Variants in SAMD12 observed in about 807,000 individuals in gnomAD.
The protein encoded by SAMD12 is sterile alpha motif domain-containing protein 12.
A neutral mutation model predicts 15.0 loss-of-function variants in SAMD12; 9 were observed. That is an observed-to-expected ratio of 0.60 (90% CI 0.36 to 1.05). SAMD12 has a LOEUF of 1.05. SAMD12 is among the 50% of genes least tolerant of loss of function. The probability of loss-of-function intolerance (pLI) is 0.01; values close to 1 mark genes in which losing one functional copy is unlikely to be tolerated. For missense variants in SAMD12, 230 were observed against 234.2 expected, an observed-to-expected ratio of 0.98 and a Z score of 0.12; for synonymous variants, 86 against 90.1, an observed-to-expected ratio of 0.96 and a Z score of 0.25.
chr8:118,483,539 ATTTAGTAGTAAGTAG>A (rs1824189107), intron 2 of SAMD12, among the ~76,000 whole-genome samples: 2 of 151,934 alleles, frequency 1.3e-5, no homozygotes, highest in African/African-American at 4.9e-5. Context: ...ACGACATTTT[ATTTAGTAGTAAGTAG>A]TCAACTTTGA....
intron 2 of SAMD12, among the ~76,000 whole-genome samples, chr8:118,487,568 C>A (rs559283376): frequency 1.3e-5 from 2 of 152,278 alleles, no homozygotes; most frequent in South Asian, 4.2e-4. Context: ...TCTGAAAGGA[C>A]TGAAAGGAAG....
intron 4 of SAMD12, among the ~76,000 whole-genome samples, chr8:118,301,665 T>C (rs1156248424): frequency 2.6e-5 from 4 of 152,228 alleles, no homozygotes; most frequent in African/African-American, 9.6e-5. Context: ...ATGACATCTG[T>C]CGTGATGGAT....
intron 4 of SAMD12, among the ~76,000 whole-genome samples, chr8:118,245,605 T>C (rs1341971678): frequency 6.6e-6 from 1 of 152,140 alleles, no homozygotes. Context: ...CCCAGACCTG[T>C]TTCCAAAGTC....
chr8:118,371,839 C>G (rs574427084), intron 4 of SAMD12, among the ~76,000 whole-genome samples: 1 of 152,038 alleles, frequency 6.6e-6, no homozygotes, highest in Non-Finnish European at 1.5e-5. Flanking sequence ...ACTAAGAGGA[C>G]CTACCCCCAG....
At chr8:118,154,144 GCACACA>G in the SAMD12 span, among the ~76,000 whole-genome samples, 3 of 149,714 alleles carry the variant, frequency 2.0e-5, no homozygotes, top group African/African-American at 7.4e-5. Flanking sequence ...ACACACAAGT[GCACACA>G]CACACACACA....
intron 2 of SAMD12, among the ~76,000 whole-genome samples, chr8:118,501,928 A>C (rs1824793375): frequency 6.6e-6 from 1 of 151,644 alleles, no homozygotes; most frequent in Non-Finnish European, 1.5e-5. Flanking sequence ...GAGGCAGGAG[A>C]ATGGCACGAA....
At chr8:118,374,692 T>A (rs1442510433), downstream of SAMD12, among the ~76,000 whole-genome samples, 2 of 152,052 alleles carry the variant, frequency 1.3e-5, no homozygotes. Context: ...TGTGAGATGA[T>A]GTGTGGTTCT....
intron 3 of SAMD12, among the ~76,000 whole-genome samples, chr8:118,384,892 C>T (rs574746175): frequency 6.6e-6 from 1 of 152,104 alleles, no homozygotes; most frequent in Non-Finnish European, 1.5e-5. Flanking sequence ...CCTCTTACAA[C>T]CCAGTTCTGT....
chr8:118,339,221 T>A (rs1817226626), intron 4 of SAMD12, among the ~76,000 whole-genome samples: 2 of 152,000 alleles, frequency 1.3e-5, no homozygotes, highest in Admixed American at 1.3e-4. Context: ...CCCAGCTACT[T>A]GGGAGTCTGA....
chr8:118,486,370 T>G (rs964181878), intron 2 of SAMD12, among the ~76,000 whole-genome samples: 31 of 151,332 alleles, frequency 2.0e-4, no homozygotes, highest in African/African-American at 7.3e-4. Flanking sequence ...GAGCCGAGAT[T>G]GCGCCACTGC....
At chr8:118,203,030 G>A (rs909254388) in intron 4 of SAMD12, among the ~76,000 whole-genome samples, 5 of 152,170 alleles carry the variant, frequency 3.3e-5, no homozygotes, top group African/African-American at 7.2e-5. Context: ...CAGCAGGGTC[G>A]TTAGCTGGCA....
At chr8:118,619,118 A>C (rs1437183496) in intron 1 of SAMD12, among the ~76,000 whole-genome samples, 1 of 152,168 alleles carries the variant, frequency 6.6e-6, no homozygotes. Flanking sequence ...TACCAACAGC[A>C]GCCCCCAGCA....
At chr8:118,310,060 A>G (rs117342969) in intron 4 of SAMD12, among the ~76,000 whole-genome samples, 1,675 of 152,366 alleles carry the variant, frequency 0.011, 22 homozygotes, top group Non-Finnish European at 0.019. Context: ...GTCACTTTCA[A>G]GAATGAGGAC....
intron 2 of SAMD12, among the ~76,000 whole-genome samples, chr8:118,480,327 C>T (rs1185856862): frequency 2.6e-5 from 4 of 152,180 alleles, no homozygotes; most frequent in African/African-American, 9.6e-5. Flanking sequence ...CACTCTTTAG[C>T]ACTCCTTGCT....
chr8:118,579,466 C>T (rs1827230353), intron 2 of SAMD12, among the ~76,000 whole-genome samples: 1 of 152,116 alleles, frequency 6.6e-6, no homozygotes, highest in African/African-American at 2.4e-5. Flanking sequence ...CGTAAAATGC[C>T]TGCAATATAT....
At chr8:118,328,527 C>G in intron 4 of SAMD12, among the ~76,000 whole-genome samples, 1 of 152,144 alleles carries the variant, frequency 6.6e-6, no homozygotes, top group East Asian at 1.9e-4. Context: ...ATGTTCTATT[C>G]TATATTTTAA....
At chr8:118,312,988 T>C (rs763364623) in intron 4 of SAMD12, among the ~76,000 whole-genome samples, 1 of 152,142 alleles carries the variant, frequency 6.6e-6, no homozygotes, top group Non-Finnish European at 1.5e-5. Flanking sequence ...CTAAACCACA[T>C]TGGTAGGGAG....
intron 2 of SAMD12, among the ~76,000 whole-genome samples, chr8:118,509,307 C>T (rs189482860): frequency 2.3e-3 from 345 of 152,314 alleles, no homozygotes; most frequent in Middle Eastern, 0.01. Flanking sequence ...AGGTCTGACT[C>T]ACAGCCAAAA....
downstream of SAMD12, among the ~76,000 whole-genome samples, chr8:118,374,443 A>G (rs114786448): frequency 4.7e-3 from 715 of 152,272 alleles, 5 homozygotes; most frequent in African/African-American, 0.017. Flanking sequence ...TGCACTGAAC[A>G]TGGGTGTACA....
Sources: allele counts gnomAD v4.1 joint callset (sites outside exome capture counted in the v4.1 genomes callset), GRCh38; gene constraint gnomAD v4.1.1; transcripts MANE v1.5; gene names NCBI Gene and HGNC (gene_info 2026-07-23, HGNC 2026-07-21).